SPEN: variants seen among roughly 807,000 people sequenced by gnomAD.
SPEN encodes msx2-interacting protein.
In SPEN, 18 loss-of-function variants were observed where a neutral mutation model predicts 269.9. The observed-to-expected ratio is 0.07, with a 90% CI of 0.05 to 0.10. SPEN has a LOEUF of 0.10. Among genes scored for constraint, SPEN ranks in the 10% least tolerant of loss-of-function variants. SPEN has a pLI of 1.00. For synonymous variants in SPEN, 1,726 were observed against 1,765.7 expected (o/e 0.98, Z 0.56); for missense variants, 3,822 against 4,631.2 (o/e 0.83, Z 5.07).
At chr1:15,867,195 A>G (rs895382427) in intron 1 of SPEN, among the ~76,000 whole-genome samples, 1 of 152,132 alleles carries the variant, frequency 6.6e-6, no homozygotes, top group Non-Finnish European at 1.5e-5. Context: ...TTCTGTTTGC[A>G]TGGATTTGCC....
chr1:15,851,092 G>C (rs1184041349), intron 1 of SPEN, among the ~76,000 whole-genome samples: 1 of 151,994 alleles, frequency 6.6e-6, no homozygotes, highest in African/African-American at 2.4e-5. Flanking sequence ...AGAAAAAAGA[G>C]GTCAGTCAGT....
At chr1:15,889,983 G>A (rs111361317) in intron 3 of SPEN, among the ~76,000 whole-genome samples, 10,751 of 152,194 alleles carry the variant, frequency 0.071, 437 homozygotes, top group Non-Finnish European at 0.082. Context: ...CCAAAGTGCT[G>A]GGATTACAGG....
chr1:15,870,057 C>T (rs761018472), intron 1 of SPEN, among the ~76,000 whole-genome samples: 2 of 151,862 alleles, frequency 1.3e-5, no homozygotes, highest in Non-Finnish European at 2.9e-5. Context: ...TTAGTAGAGA[C>T]GGGGTTTCAC....
At chr1:15,850,407 T>C (rs1234449189) in intron 1 of SPEN, among the ~76,000 whole-genome samples, 1 of 152,166 alleles carries the variant, frequency 6.6e-6, no homozygotes, top group Non-Finnish European at 1.5e-5. Flanking sequence ...AAGGTTTTTT[T>C]TTTTCATTTT....
chr1:15,848,978 A>G lies in SPEN; in HGVS notation c.83+828A>G, dbSNP rs2070305663. Among the ~76,000 whole-genome samples, 1 of 152,112 alleles carries G rather than the reference A, an allele frequency of 6.6e-6. No individual in the cohort carries two copies. The highest frequency in any genetic ancestry group is 1.5e-5 in the Non-Finnish European group (1 of 68,010). On this transcript the variant is annotated intron_variant, in intron 1 of 14. Coordinates refer to ENST00000375759, the MANE Select transcript of SPEN (RefSeq NM_015001.3). The surrounding 1 kb of genome is among the most constrained non-coding windows in gnomAD (Gnocchi z 5.1). ...ACATTCCAAACCTTTTACGATGAGA[A>G]GATGTAGCTTAAAAAAAAAACCTCC... is the stretch of plus-strand genomic sequence containing the variant.
intron 1 of SPEN, among the ~76,000 whole-genome samples, chr1:15,854,233 G>T (rs2070363871): frequency 6.6e-6 from 1 of 152,106 alleles, no homozygotes; most frequent in South Asian, 2.1e-4. Flanking sequence ...CTCCTGAATT[G>T]TGTTATTAGA....
Position 15,873,030 on chromosome 1 carries a change from C to T in SPEN, c.298C>T (p.Arg100Cys), listed in dbSNP as rs1201312983. The T allele has an allele frequency of 3.1e-6, 5 of 1,614,098 alleles. No homozygotes were observed. The highest frequency in any genetic ancestry group is 2.2e-5 in the East Asian group (1 of 44,878). The stretch of plus-strand genomic sequence containing the variant: ...GGATGATACAGTTTCCATAGCATCT[C>T]GTAGTAGAGAGGTTTCTGGGTTCAG... ...GLDDTVSIAS[R>C]SREVSGFRGG... Residue 100 changes from arginine to cysteine, a missense_variant, in exon 2 of 15, where the codon CGT (arginine) becomes TGT (cysteine). By Grantham distance (180) the Arg-to-Cys change is radical. Transcript: ENST00000375759.
At chr1:15,901,154 G>A (rs1247691165) in intron 3 of SPEN, among the ~76,000 whole-genome samples, 1 of 150,882 alleles carries the variant, frequency 6.6e-6, no homozygotes, top group African/African-American at 2.4e-5. Flanking sequence ...GGAGTTTGAG[G>A]CCAGCCTGGG....
intron 6 of SPEN, among the ~76,000 whole-genome samples, chr1:15,918,554 C>T (rs181011772): frequency 2.6e-5 from 4 of 152,274 alleles, no homozygotes; most frequent in African/African-American, 7.2e-5. Flanking sequence ...CCCCTAATAA[C>T]GATTTTAGAT....
chr1:15,903,073 C>A (rs567131638), intron 3 of SPEN, among the ~76,000 whole-genome samples: 2 of 152,270 alleles, frequency 1.3e-5, no homozygotes, highest in South Asian at 4.1e-4. Flanking sequence ...ACAAATATAT[C>A]CCTGAGTCAT....
In SPEN at chr1:15,876,425, A is replaced by G. The variant is rs752637359; in HGVS notation, c.628A>G (p.Thr210Ala). The G allele has an allele frequency of 1.2e-6, 2 of 1,614,032 alleles. No individual in the cohort carries two copies. The highest frequency in any genetic ancestry group is 2.7e-5 in the African/African-American group (2 of 74,918). Residue 210 changes from threonine (T) to alanine (A), a missense_variant, in exon 3 of 15, where the codon ACA becomes GCA. This residue lies in a region of SPEN where 327 missense variants were observed against 350.8 expected (regional missense o/e 0.93). Coordinates refer to ENST00000375759, the MANE Select transcript of SPEN (RefSeq NM_015001.3). ...TGAACCTAGGGCTCGCGAGCAGTTT[A>G]CACTGCCCAGTGTGGTACACAGGGA... ...RYEPRAREQFTLPSVVHRDIY... is the reference protein window; with the variant it reads ...RYEPRAREQFALPSVVHRDIY...
At chr1:15,897,164 T>C (rs577658234) in intron 3 of SPEN, among the ~76,000 whole-genome samples, 4 of 152,282 alleles carry the variant, frequency 2.6e-5, no homozygotes, top group African/African-American at 9.6e-5. Context: ...CCAAACAAAG[T>C]TGAAATTAAA....
Position 15,873,030 on chromosome 1 carries a change from C to A in SPEN, c.298C>A (p.Arg100Ser). ...GLDDTVSIAS[R>S]SREVSGFRGG... ...GGATGATACAGTTTCCATAGCATCT[C>A]GTAGTAGAGAGGTTTCTGGGTTCAG... Residue 100 changes from arginine to serine, a missense_variant, in exon 2 of 15, where the codon CGT becomes AGT. Arg to Ser is a moderately radical substitution (Grantham distance 110). Around this residue, in one of 16 missense-constraint regions of SPEN, gnomAD observed 327 missense variants for 350.8 expected, o/e 0.93. Transcript: ENST00000375759. 6.2e-7 allele frequency: 1 copy of A among 1,614,098 alleles called. No individual in the cohort carries two copies. Among genetic ancestry groups the A allele is most frequent in the Non-Finnish European group, 8.5e-7 (1 of 1,180,034 alleles).
chr1:15,915,712 T>G (rs914389707), intron 5 of SPEN, among the ~76,000 whole-genome samples: 3 of 151,940 alleles, frequency 2.0e-5, no homozygotes, highest in Non-Finnish European at 4.4e-5. Flanking sequence ...TTTTTTGTAT[T>G]TTTTTTGGTA....
intron 3 of SPEN, 116 bp from the exon 4 acceptor site, chr1:15,909,205 C>T: frequency 1.8e-6 from 2 of 1,097,468 alleles, no homozygotes; most frequent in South Asian, 3.1e-5. Context: ...AATGCAGGGC[C>T]TCCAGAAATT....
At chr1:15,895,877 T>A (rs1293302971) in intron 3 of SPEN, among the ~76,000 whole-genome samples, 1 of 151,510 alleles carries the variant, frequency 6.6e-6, no homozygotes, top group Non-Finnish European at 1.5e-5. Context: ...AGAGTTGGGG[T>A]TTCTCCATGT....
At chr1:15,855,506 CTT>C (rs1210011309) in intron 1 of SPEN, among the ~76,000 whole-genome samples, 1 of 152,028 alleles carries the variant, frequency 6.6e-6, no homozygotes, top group Non-Finnish European at 1.5e-5. Context: ...AGCGATTTGT[CTT>C]TTACCAATCA....
At chr1:15,870,189 A>C (rs2070559049) in intron 1 of SPEN, among the ~76,000 whole-genome samples, 1 of 152,122 alleles carries the variant, frequency 6.6e-6, no homozygotes, top group Non-Finnish European at 1.5e-5. Flanking sequence ...CTTTTGAATA[A>C]GGCACAGCTG....
At position 15,848,401 on chromosome 1, in the gene SPEN, G is replaced by A. The variant is rs2070298036; in HGVS notation, c.83+251G>A. ...CCCCGGCGGCCGCGTCCGTGACGAG[G>A]GAGGTGACCGAGGCTCGGCCTCCAC... On this transcript the variant is annotated intron_variant, in intron 1 of 14. Coordinates refer to ENST00000375759, the MANE Select transcript of SPEN (RefSeq NM_015001.3). The surrounding 1 kb of genome is among the most constrained non-coding windows in gnomAD (Gnocchi z 5.1). 6.6e-6 allele frequency among the ~76,000 whole-genome samples: 1 copy of A among 151,406 alleles called. No individual in the cohort carries two copies. Among genetic ancestry groups the A allele is most frequent in the South Asian group, 2.1e-4 (1 of 4,830 alleles).
Sources: gnomAD v4.1 joint callset for allele counts (sites outside exome capture counted in the v4.1 genomes callset) on GRCh38, gnomAD v4.1.1 for gene constraint, gnomAD v4.1.1 regional missense constraint, Gnocchi (gnomAD v3.1) non-coding constraint, MANE v1.5 for transcripts, NCBI Gene and HGNC (gene_info 2026-07-23, HGNC 2026-07-21) for gene names.